The following HELZ variants were observed in gnomAD, a reference collection of about 807,000 sequenced individuals.
The protein encoded by HELZ is ATP-dependent RNA helicase with zinc finger domain.
A neutral mutation model predicts 218.2 loss-of-function variants in HELZ; 23 were observed. That is an observed-to-expected ratio of 0.11 (90% confidence interval 0.08 to 0.15). HELZ has a LOEUF of 0.15. HELZ is among the 10% of genes least tolerant of loss of function. The pLI, the probability that HELZ is intolerant of heterozygous loss-of-function variation, is 1.00. For missense variants in HELZ, 1,813 were observed against 2,353.7 expected, an observed-to-expected ratio of 0.77 and a Z score of 4.75; for synonymous variants, 814 against 829.4, an observed-to-expected ratio of 0.98 and a Z score of 0.32.
At chr17:67,243,475 C>T (rs545404808) in intron 2 of HELZ, among the ~76,000 whole-genome samples, 7 of 152,236 alleles carry the variant, frequency 4.6e-5, no homozygotes, top group South Asian at 2.1e-4. Context: ...AGTAAAGTTA[C>T]GCAAGAAAAT....
At chr17:67,170,607 A>T (rs751845863) in intron 13 of HELZ, among the ~76,000 whole-genome samples, 9 of 151,928 alleles carry the variant, frequency 5.9e-5, no homozygotes, top group Non-Finnish European at 1.3e-4. Flanking sequence ...CGGGAAGATC[A>T]CTTGAGGTCA....
chr17:67,148,574 G>A lies in HELZ; in HGVS notation c.2616C>T (p.Ile872=), dbSNP rs753553518. Residue 872 remains isoleucine (I), a synonymous_variant, in exon 20 of 33, where the codon ATC becomes ATT. Coordinates refer to ENST00000358691, the MANE Select transcript of HELZ (RefSeq NM_014877.4). The part of the protein sequence containing the change: ...LCENYRSHEA[I]INYTSELFYE... Reference sequence around the variant, plus strand: ...AGGGGGCAGTTCACACCTACTTGATGATAGCTTCATGGGAGCGGTAGTTCT... The same window carrying A: ...AGGGGGCAGTTCACACCTACTTGATAATAGCTTCATGGGAGCGGTAGTTCT... 35 of 1,612,242 alleles carry A rather than the reference G, an allele frequency of 2.2e-5. No homozygotes were observed. The highest frequency in any genetic ancestry group is 2.9e-5 in the Non-Finnish European group (34 of 1,179,260).
intron 15 of HELZ, among the ~76,000 whole-genome samples, chr17:67,161,503 C>A (rs1567853049): frequency 6.6e-6 from 1 of 152,124 alleles, no homozygotes; most frequent in African/African-American, 2.4e-5. Context: ...GGGAAACTAT[C>A]TGAATTTCAA....
intron 23 of HELZ, 143 bp from the exon 24 acceptor site, chr17:67,128,998 C>A (rs776431496): frequency 6.0e-6 from 4 of 665,254 alleles, no homozygotes; most frequent in Non-Finnish European, 1.0e-5. Flanking sequence ...GAGATAAAAT[C>A]TTTCTACCAG....
At chr17:67,113,115 A>T (rs1041604770) in intron 28 of HELZ, among the ~76,000 whole-genome samples, 4 of 152,182 alleles carry the variant, frequency 2.6e-5, no homozygotes, top group Non-Finnish European at 5.9e-5. Flanking sequence ...TTATCTTTTT[A>T]AAAAAATATA....
chr17:67,079,856 C>G (rs531069685), intron 32 of HELZ, among the ~76,000 whole-genome samples: 1 of 152,176 alleles, frequency 6.6e-6, no homozygotes, highest in Non-Finnish European at 1.5e-5. Context: ...GTCCATTATT[C>G]TATTGGACAT....
chr17:67,231,978 G>A (rs1236222390), intron 3 of HELZ, among the ~76,000 whole-genome samples: 2 of 149,838 alleles, frequency 1.3e-5, no homozygotes, highest in Admixed American at 6.6e-5. Flanking sequence ...GCTTGAACTC[G>A]GGAGGGGGAA....
At chr17:67,161,108 T>G in intron 15 of HELZ, 32 bp from the exon 16 acceptor site, 1 of 1,498,896 alleles carries the variant, frequency 6.7e-7, no homozygotes, top group East Asian at 2.3e-5. Flanking sequence ...GTTAAACACA[T>G]GCATCTCGTT....
intron 32 of HELZ, among the ~76,000 whole-genome samples, chr17:67,082,028 G>C (rs573107359): frequency 6.6e-6 from 1 of 152,220 alleles, no homozygotes; most frequent in East Asian, 1.9e-4. Context: ...ATCACATCTA[G>C]TGGCTATTTA....
chr17:67,128,296 A>C (rs1047373099), intron 24 of HELZ, among the ~76,000 whole-genome samples: 14 of 152,268 alleles, frequency 9.2e-5, no homozygotes, highest in Non-Finnish European at 1.6e-4. Flanking sequence ...TATAAAGAAT[A>C]TAAGGACATG....
intron 6 of HELZ, among the ~76,000 whole-genome samples, chr17:67,202,918 G>T (rs940764413): frequency 1.3e-5 from 2 of 152,156 alleles, no homozygotes; most frequent in Non-Finnish European, 2.9e-5. Context: ...GAGCCCAGGA[G>T]TTCAAGACCA....
intron 13 of HELZ, among the ~76,000 whole-genome samples, chr17:67,171,443 C>A (rs1342603592): frequency 1.3e-5 from 2 of 152,192 alleles, no homozygotes; most frequent in East Asian, 3.9e-4. Context: ...TCATCCTTGA[C>A]CCTGCCTCTC....
Position 67,078,238 on chromosome 17 carries a change from GAA to G in HELZ, c.*12_*13del. 1 of 1,541,272 alleles carries G rather than the reference GAA, an allele frequency of 6.5e-7. No homozygotes were observed. The highest frequency in any genetic ancestry group is 8.9e-7 in the Non-Finnish European group (1 of 1,125,146). On this transcript the variant is annotated 3_prime_UTR_variant, in exon 33 of 33. Coordinates refer to ENST00000358691, the MANE Select transcript of HELZ (RefSeq NM_014877.4). ...GAAATTAAAACATTCTCCCTTGAGG[GAA>G]AAAAAAAGTGATTATTTAAAATATG... is the stretch of plus-strand genomic sequence containing the variant.
chr17:67,174,069 A>G (rs1456183816), intron 13 of HELZ, among the ~76,000 whole-genome samples: 1 of 152,196 alleles, frequency 6.6e-6, no homozygotes, highest in Non-Finnish European at 1.5e-5. Context: ...GAGAAGTAAA[A>G]CAAATCTCAA....
At chr17:67,239,382 C>T (rs1183826171) in intron 3 of HELZ, 51 bp downstream of exon 3, 2 of 152,260 alleles carry the variant, frequency 1.3e-5, no homozygotes, top group African/African-American at 4.8e-5. Flanking sequence ...CTTATTCTTT[C>T]AGGCATTATA....
chr17:67,234,230 G>A (rs1266269842), intron 3 of HELZ, among the ~76,000 whole-genome samples: 1 of 146,272 alleles, frequency 6.8e-6, no homozygotes, highest in African/African-American at 2.6e-5. Context: ...GGCTGAAGCA[G>A]GAAAATTGCT....
intron 31 of HELZ, among the ~76,000 whole-genome samples, chr17:67,095,340 C>T (rs1310044708): frequency 6.6e-6 from 1 of 152,122 alleles, no homozygotes. Context: ...CAAGTCCAGC[C>T]TGGGTAACAT....
intron 17 of HELZ, among the ~76,000 whole-genome samples, chr17:67,158,031 A>G (rs1198658840): frequency 6.6e-6 from 1 of 152,218 alleles, no homozygotes; most frequent in Non-Finnish European, 1.5e-5. Context: ...ATGATCTAAA[A>G]TGGTTTCTAA....
chr17:67,235,337 T>C (rs1485230996), intron 3 of HELZ, among the ~76,000 whole-genome samples: 1 of 152,052 alleles, frequency 6.6e-6, no homozygotes, highest in Non-Finnish European at 1.5e-5. Flanking sequence ...AAACCCCGTC[T>C]CTACTAAAAA....
Sources: allele counts gnomAD v4.1 joint callset (sites outside exome capture counted in the v4.1 genomes callset), GRCh38; gene constraint gnomAD v4.1.1; transcripts MANE v1.5; gene names NCBI Gene and HGNC (gene_info 2026-07-23, HGNC 2026-07-21).